TLK1: variants seen among roughly 807,000 people sequenced by gnomAD.
The protein encoded by TLK1 is tousled like kinase 1, also known as serine/threonine-protein kinase tousled-like 1.
In TLK1, 24 loss-of-function variants were observed where a neutral mutation model predicts 105.3. The observed-to-expected ratio is 0.23, with a 90% confidence interval of 0.17 to 0.32. TLK1 has a LOEUF of 0.32. Ranked by LOEUF, TLK1 falls within the 10% of genes least tolerant of loss-of-function variation. The pLI is 1.00. For synonymous variants in TLK1, 321 were observed against 310.4 expected (o/e 1.03, Z -0.36); for missense variants, 558 against 910.5 (o/e 0.61, Z 4.98).
At chr2:171,206,753 A>G (rs563089179) in intron 1 of TLK1, among the ~76,000 whole-genome samples, 21 of 152,370 alleles carry the variant, frequency 1.4e-4, no homozygotes, top group Non-Finnish European at 2.1e-4. Flanking sequence ...AAAGGGACCT[A>G]TCTCACCAAA....
At chr2:171,063,221 C>T (rs1359268212) in intron 3 of TLK1, among the ~76,000 whole-genome samples, 1 of 151,986 alleles carries the variant, frequency 6.6e-6, no homozygotes, top group Non-Finnish European at 1.5e-5. Context: ...TGGTGCATGC[C>T]TGTAGTGCCA....
At chr2:171,053,719 T>C (rs1687359353) in intron 8 of TLK1, 42 bp downstream of exon 8, 4 of 1,461,942 alleles carry the variant, frequency 2.7e-6, no homozygotes, top group Non-Finnish European at 2.8e-6. Flanking sequence ...TGTTGCCAAA[T>C]AATTTATTCA....
intron 3 of TLK1, among the ~76,000 whole-genome samples, chr2:171,070,137 CT>C (rs527670522): frequency 5.2e-4 from 79 of 152,118 alleles, no homozygotes; most frequent in African/African-American, 1.7e-3. Flanking sequence ...CCATTTTTCT[CT>C]TCCAATCTTG....
chr2:171,092,091 G>C lies in TLK1; in HGVS notation c.259-9239C>G, dbSNP rs562512348. ...ATCAAAAGGATGAGCAGTTTCTGTT[G>C]CTTCATCACCCAAGGTTGCCCTGGT... On this transcript the variant is annotated intron_variant, in intron 2 of 20. Coordinates refer to ENST00000431350, the MANE Select transcript of TLK1 (RefSeq NM_012290.5). 1.3e-5 allele frequency among the ~76,000 whole-genome samples: 2 copies of C among 151,730 alleles called. 1 individual carries two copies. The highest frequency in any genetic ancestry group is 4.8e-5 in the African/African-American group (2 of 41,376).
intron 7 of TLK1, 110 bp downstream of exon 7, chr2:171,054,973 G>A (rs1014982845): frequency 5.6e-6 from 3 of 537,094 alleles, no homozygotes; most frequent in Admixed American, 4.2e-5. Flanking sequence ...TTCTTGATGT[G>A]TAATTCTGCT....
chr2:171,226,575 C>T (rs948530801), intron 1 of TLK1, among the ~76,000 whole-genome samples: 6 of 152,182 alleles, frequency 3.9e-5, no homozygotes, highest in East Asian at 1.9e-4. Context: ...GAGGCTTGGG[C>T]ATCTGCTCCT....
chr2:171,184,943 A>T (rs1004336688), intron 1 of TLK1, among the ~76,000 whole-genome samples: 7 of 152,080 alleles, frequency 4.6e-5, no homozygotes, highest in Admixed American at 2.6e-4. Flanking sequence ...GGATCAGGCC[A>T]TTCTCCTGCC....
chr2:171,032,879 G>C (rs1192211143), intron 11 of TLK1, among the ~76,000 whole-genome samples: 1 of 152,090 alleles, frequency 6.6e-6, no homozygotes, highest in Non-Finnish European at 1.5e-5. Context: ...AAAAATGAAT[G>C]AATGACCTAA....
intron 12 of TLK1, among the ~76,000 whole-genome samples, chr2:171,018,568 T>TGTC (rs1559345356): frequency 6.6e-6 from 1 of 152,184 alleles, no homozygotes; most frequent in Non-Finnish European, 1.5e-5. Context: ...AGAAATAATC[T>TGTC]TTTTCCAAGG....
chr2:171,081,551 C>T (rs939836708), intron 3 of TLK1: 24 of 833,002 alleles, frequency 2.9e-5, no homozygotes, highest in Admixed American at 3.9e-5. Context: ...TAGAGCTAAA[C>T]CTACAATTTT....
chr2:171,045,869 T>G (rs144101807), intron 11 of TLK1: 1 of 246,412 alleles, frequency 4.1e-6, no homozygotes, highest in Non-Finnish European at 7.6e-6. Context: ...AATGGAAACG[T>G]TGAATTAGAA....
chr2:171,044,607 T>C (rs898274306), intron 11 of TLK1, among the ~76,000 whole-genome samples: 2 of 152,104 alleles, frequency 1.3e-5, no homozygotes, highest in Non-Finnish European at 2.9e-5. Flanking sequence ...CAGCAGGATG[T>C]ATACGGTAAC....
At chr2:171,127,032 T>A (rs1690895317) in intron 1 of TLK1, among the ~76,000 whole-genome samples, 1 of 152,026 alleles carries the variant, frequency 6.6e-6, no homozygotes, top group Non-Finnish European at 1.5e-5. Context: ...TCCCAGCACT[T>A]TGGGAGGCTG....
At chr2:171,131,219 G>T (rs538857187) in intron 1 of TLK1, among the ~76,000 whole-genome samples, 2 of 152,118 alleles carry the variant, frequency 1.3e-5, no homozygotes, top group South Asian at 4.2e-4. Flanking sequence ...TTTTTAACAG[G>T]TTAAATCACA....
chr2:171,219,925 T>C (rs115201481), intron 1 of TLK1, among the ~76,000 whole-genome samples: 3,308 of 152,190 alleles, frequency 0.022, 114 homozygotes, highest in African/African-American at 0.075. Flanking sequence ...TTAAGGGCAC[T>C]AATTTAATTC....
chr2:171,176,827 TATTTTTTTTTTA>T (rs2105305620), intron 1 of TLK1, among the ~76,000 whole-genome samples: 1 of 151,820 alleles, frequency 6.6e-6, no homozygotes, highest in Admixed American at 6.5e-5. Context: ...CTCATCGGCC[TATTTTTTTTTTA>T]ATTTTTTTTT....
At chr2:171,031,798 A>G (rs1686060305) in intron 11 of TLK1, among the ~76,000 whole-genome samples, 1 of 152,204 alleles carries the variant, frequency 6.6e-6, no homozygotes, top group Non-Finnish European at 1.5e-5. Context: ...GTTAGTAGAA[A>G]TAACAAAAAC....
intron 1 of TLK1, among the ~76,000 whole-genome samples, chr2:171,225,695 C>T (rs889809955): frequency 2.5e-4 from 38 of 152,006 alleles, no homozygotes; most frequent in Non-Finnish European, 5.1e-4. Flanking sequence ...GATGTTCATA[C>T]ATTATTACTT....
At chr2:171,227,257 A>G (rs1693914751) in intron 1 of TLK1, among the ~76,000 whole-genome samples, 1 of 152,142 alleles carries the variant, frequency 6.6e-6, no homozygotes, top group South Asian at 2.1e-4. Context: ...TTATCTCCTG[A>G]CCTCATGATT....
Sources: allele counts gnomAD v4.1 joint callset (sites outside exome capture counted in the v4.1 genomes callset), GRCh38; gene constraint gnomAD v4.1.1; transcripts MANE v1.5; gene names NCBI Gene and HGNC (gene_info 2026-07-23, HGNC 2026-07-21).